Variants in YY1AP1 observed in about 807,000 individuals in gnomAD.
The protein encoded by YY1AP1 is YY1 associated protein 1.
Under a neutral mutation model 39.9 loss-of-function variants are expected in YY1AP1, and 43 were observed. The observed-to-expected ratio is 1.08, with a 90% CI of 0.84 to 1.39. The LOEUF is 1.39. YY1AP1 is among the 40% of genes most tolerant of loss of function. The pLI is 0.00. For synonymous variants in YY1AP1, 292 were observed against 331.3 expected, an observed-to-expected ratio of 0.88 and a Z score of 1.29; for missense variants, 813 against 900.7, an observed-to-expected ratio of 0.90 and a Z score of 1.25.
chr1:155,676,548 C>T lies in YY1AP1; in HGVS notation c.324G>A (p.Gln108=), dbSNP rs1650719326. The T allele has an allele frequency of 1.2e-6, 2 of 1,614,140 alleles. No homozygotes were observed. Among genetic ancestry groups the T allele is most frequent in the Non-Finnish European group, 1.7e-6 (2 of 1,179,990 alleles). ...QRKRLQQQMQ[Q]HVQLLTQIHL... The stretch of plus-strand genomic sequence containing the variant: ...TTAATATGACCAAGGAAAGTGTTAC[C>T]TGCTGCATCTGCTGCTGGAGTCTCT... Residue 108 remains glutamine, a splice_region_variant and synonymous_variant, in exon 5 of 11, where the codon CAG becomes CAA. Coordinates refer to ENST00000355499, the MANE Select transcript of YY1AP1 (RefSeq NM_139119.3).
Position 155,660,717 on chromosome 1 carries a change from C to T in YY1AP1, c.1193G>A (p.Arg398His), listed in dbSNP as rs760588496. 2.0e-5 allele frequency: 33 copies of T among 1,614,166 alleles called. No homozygotes were observed. The highest frequency in any genetic ancestry group is 1.2e-4 in the Admixed American group (7 of 60,018). Residue 398 changes from arginine to histidine, a missense_variant, in exon 11 of 11, where the codon CGT becomes CAT. By Grantham distance (29) the Arg-to-His change is conservative. This residue lies in a region of YY1AP1 where 586 missense variants were observed against 647.4 expected (regional missense o/e 0.91). Coordinates refer to ENST00000355499, the MANE Select transcript of YY1AP1 (RefSeq NM_139119.3). ...VVLKLKPVAD[R>H]FPKKAWRQKR... Reference sequence around the variant, plus strand: ...CTGTCTCCAAGCCTTCTTGGGGAAACGGTCGGCAACTGGCTTCAGTTTCAG... The same window carrying T: ...CTGTCTCCAAGCCTTCTTGGGGAAATGGTCGGCAACTGGCTTCAGTTTCAG...
intron 3 of YY1AP1, 97 bp from the exon 4 acceptor site, chr1:155,679,609 T>C: frequency 3.8e-6 from 6 of 1,588,106 alleles, no homozygotes; most frequent in Non-Finnish European, 5.1e-6. Context: ...AACAATACTT[T>C]AATAATGCTG....
intron 2 of YY1AP1, among the ~76,000 whole-genome samples, chr1:155,685,903 T>C (rs1225370690): frequency 1.3e-5 from 2 of 151,982 alleles, no homozygotes; most frequent in Non-Finnish European, 2.9e-5. Context: ...TAAGAACCAC[T>C]AATCTAGCCT....
chr1:155,681,782 T>A (rs1411882140), intron 2 of YY1AP1, among the ~76,000 whole-genome samples: 1 of 152,022 alleles, frequency 6.6e-6, no homozygotes, highest in Non-Finnish European at 1.5e-5. Context: ...TTCAGAATCA[T>A]ATTTTCTCAA....
chr1:155,688,777 T>C (rs1653167481), upstream of YY1AP1: 1 of 1,462,764 alleles, frequency 6.8e-7, no homozygotes, highest in Admixed American at 2.1e-5. Flanking sequence ...CACCCTACAC[T>C]CCTCGCGCGT....
chr1:155,670,966 G>A (rs1038344593), intron 7 of YY1AP1: 5 of 162,430 alleles, frequency 3.1e-5, no homozygotes, highest in Non-Finnish European at 6.8e-5. Flanking sequence ...CACGGCGCCC[G>A]GCCTCTCTTA....
rs374278792 is a variant in YY1AP1 at position 155,675,162 on chromosome 1, AT to A, written c.325-67del. On this transcript the variant is annotated intron_variant, in intron 5 of 10. Coordinates refer to ENST00000355499, the MANE Select transcript of YY1AP1 (RefSeq NM_139119.3). ...ACTGCCATTTCAGGAGCCCAGAGAT[AT>A]TTTTTTTTCCCCCTGGAGACAGGGT... is the stretch of plus-strand genomic sequence containing the variant. 1,136 of 1,466,966 alleles carry A rather than the reference AT, an allele frequency of 7.7e-4. 2 individuals are homozygous for A. The highest frequency in any genetic ancestry group is 9.1e-4 in the South Asian group (77 of 85,042). 90.9% of individuals were successfully genotyped at this position (1,466,966 alleles called of 1,614,324 possible).
At chr1:155,671,032 C>T (rs1649785469) in intron 7 of YY1AP1, 1 of 155,560 alleles carries the variant, frequency 6.4e-6, no homozygotes, top group Non-Finnish European at 1.4e-5. Flanking sequence ...TTAAAAAGTA[C>T]CTAGTAATAC....
intron 9 of YY1AP1, among the ~76,000 whole-genome samples, chr1:155,664,933 C>G (rs1648731775): frequency 6.6e-6 from 1 of 151,796 alleles, no homozygotes; most frequent in Admixed American, 6.6e-5. Context: ...CCACACCCGG[C>G]TAATTTTTTT....
Position 155,676,641 on chromosome 1 carries a change from C to T in YY1AP1, c.231G>A (p.Glu77=). ...TACACTGGGGTTTAACCTTCTCTAC[C>T]TCCTTCTGCTGTTTGGCTGAAGGTT... ...MKKPSAKQQK[E]VEKVKPQCKE... is the part of the protein sequence containing the mutation. The change falls in exon 5 of 11, where the codon GAG becomes GAA. Residue 77 remains glutamate (E), a synonymous_variant. Coordinates refer to ENST00000355499, the MANE Select transcript of YY1AP1 (RefSeq NM_139119.3). 1 of 1,614,156 alleles carries T rather than the reference C, an allele frequency of 6.2e-7. No individual in the cohort carries two copies. The highest frequency in any genetic ancestry group is 8.5e-7 in the Non-Finnish European group (1 of 1,180,028).
At chr1:155,674,790 C>T (rs1232356434) in intron 6 of YY1AP1, 2 of 385,640 alleles carry the variant, frequency 5.2e-6, no homozygotes, top group Admixed American at 7.7e-5. Flanking sequence ...TGTTCCACCG[C>T]ACTCCATCCT....
rs763231882 is a variant in YY1AP1, at chr1:155,660,385, G to C, written c.1525C>G (p.Pro509Ala). The change falls in exon 11 of 11, where the codon CCC (proline) becomes GCC (alanine). Residue 509 changes from proline to alanine, a missense_variant. Physicochemically the swap from Pro to Ala is conservative, Grantham distance 27. This residue lies in a region of YY1AP1 where 586 missense variants were observed against 647.4 expected (regional missense o/e 0.91). Transcript: ENST00000355499. The part of the protein sequence containing the change: ...SQTLLSSAPV[P>A]KVMMPSPASS... The stretch of plus-strand genomic sequence containing the variant: ...GCAGGGGAGGGCATCATTACCTTGG[G>C]CACAGGGGCAGAAGAGAGCAAAGTC... 1.2e-6 allele frequency: 2 copies of C among 1,614,018 alleles called. No homozygotes were observed. The highest frequency in any genetic ancestry group is 1.1e-5 in the South Asian group (1 of 91,070).
chr1:155,682,236 A>AT (rs918468052), intron 2 of YY1AP1, among the ~76,000 whole-genome samples: 117 of 150,716 alleles, frequency 7.8e-4, no homozygotes, highest in African/African-American at 1.6e-3. Flanking sequence ...TGGCTATCTC[A>AT]TTTTTTTTTA....
chr1:155,672,432 G>A, intron 7 of YY1AP1, 128 bp downstream of exon 7: 1 of 982,196 alleles, frequency 1.0e-6, no homozygotes, highest in Non-Finnish European at 1.6e-6. Context: ...AAAGAGAGAA[G>A]GAAGAAATTA....
intron 9 of YY1AP1, 23 bp downstream of exon 9, chr1:155,668,604 T>C (rs1387131847): frequency 6.8e-6 from 11 of 1,614,158 alleles, no homozygotes; most frequent in Admixed American, 1.7e-5. Flanking sequence ...GGTGCCTGGA[T>C]AGTGCATGCA....
intron 4 of YY1AP1, among the ~76,000 whole-genome samples, chr1:155,677,341 C>T (rs756830333): frequency 2.4e-4 from 36 of 152,160 alleles, no homozygotes; most frequent in Non-Finnish European, 4.9e-4. Context: ...TCCAAGGTTC[C>T]TAACCCTAAC....
rs764198462 is a variant in YY1AP1 at position 155,670,348 on chromosome 1, T to C, written c.700A>G (p.Lys234Glu). The part of the protein sequence containing the change: ...CSLKAKNPQD[K>E]ILFTKAEDNL... The stretch of plus-strand genomic sequence containing the variant: ...TCCTCAGCCTTGGTGAAGAGGATCT[T>C]ATCCTGGGGATTCTTTGCCTTCAGG... Residue 234 changes from lysine (K) to glutamate (E), a missense_variant, in exon 8 of 11, where the codon AAG becomes GAG. Transcript: ENST00000355499. 2 of 1,612,688 alleles carry C rather than the reference T, an allele frequency of 1.2e-6. No individual in the cohort carries two copies. The highest frequency in any genetic ancestry group is 2.2e-5 in the South Asian group (2 of 91,016).
intron 2 of YY1AP1, 67 bp from the exon 3 acceptor site, chr1:155,680,523 A>T: frequency 7.4e-7 from 1 of 1,346,784 alleles, no homozygotes; most frequent in Non-Finnish European, 1.1e-6. Flanking sequence ...AATTCCATGT[A>T]GACAATGTAT....
chr1:155,688,932 C>T (rs775428208), upstream of YY1AP1: 5 of 1,613,038 alleles, frequency 3.1e-6, no homozygotes, highest in South Asian at 4.4e-5. Context: ...CAACCTACCT[C>T]CCTGGGTTCG....
Sources: gnomAD v4.1 joint callset for allele counts (sites outside exome capture counted in the v4.1 genomes callset) on GRCh38, gnomAD v4.1.1 for gene constraint, gnomAD v4.1.1 regional missense constraint, MANE v1.5 for transcripts, NCBI Gene and HGNC (gene_info 2026-07-23, HGNC 2026-07-21) for gene names.